Variants in PCDH11X observed in about 807,000 individuals in gnomAD.
PCDH11X encodes the protein protocadherin-11 X-linked.
A neutral mutation model predicts 53.3 loss-of-function variants in PCDH11X; 18 were observed. The ratio of observed to expected loss-of-function variants is 0.34; its 90% CI spans 0.23 to 0.50. The LOEUF is 0.50. Among genes scored for constraint, PCDH11X ranks in the 20% least tolerant of loss-of-function variants. The pLI is 0.98. For missense variants in PCDH11X, 570 were observed against 1,032.4 expected (o/e 0.55, Z 6.14); for synonymous variants, 279 against 393.3 (o/e 0.71, Z 3.44).
chrX:92,267,451 A>G (rs1378456995), intron 8 of PCDH11X, among the ~76,000 whole-genome samples: 1 of 112,550 alleles, frequency 8.9e-6, no homozygotes, highest in Non-Finnish European at 1.9e-5. Flanking sequence ...AAAGCAAGTA[A>G]AAGCCATTCT....
At chrX:92,363,913 G>A (rs759083396) in intron 8 of PCDH11X, among the ~76,000 whole-genome samples, 11 of 111,514 alleles carry the variant, frequency 9.9e-5, no homozygotes, top group African/African-American at 3.6e-4. Context: ...CCATTGATAT[G>A]ATGAGGTATG....
intron 8 of PCDH11X, among the ~76,000 whole-genome samples, chrX:92,316,221 A>G (rs2148487399): frequency 9.2e-6 from 1 of 108,892 alleles, no homozygotes; most frequent in Admixed American, 1.0e-4. Context: ...TATACATTAT[A>G]AAACAATATA....
At chrX:92,345,018 T>C (rs1280645792) in intron 8 of PCDH11X, among the ~76,000 whole-genome samples, 1 of 109,807 alleles carries the variant, frequency 9.1e-6, no homozygotes. Flanking sequence ...TTTTTAAAAA[T>C]ATTCTTTCTC....
At chrX:92,303,716 C>T (rs35212954) in intron 8 of PCDH11X, among the ~76,000 whole-genome samples, 2,319 of 111,652 alleles carry the variant, frequency 0.021, 74 homozygotes, top group African/African-American at 0.071. Context: ...AATTGAACAT[C>T]CCATTCTCAT....
chrX:91,977,903 C>T (rs1200846026), intron 6 of PCDH11X, among the ~76,000 whole-genome samples: 3 of 111,490 alleles, frequency 2.7e-5, no homozygotes, highest in Non-Finnish European at 5.6e-5. Context: ...CTTCCTTAGA[C>T]AGTTGTAATC....
At chrX:92,391,397 T>G (rs2071125867) in intron 9 of PCDH11X, among the ~76,000 whole-genome samples, 1 of 108,305 alleles carries the variant, frequency 9.2e-6, no homozygotes, top group African/African-American at 3.3e-5. Flanking sequence ...CTTTTGAGGA[T>G]TTTACATATC....
At chrX:92,205,850 C>T (rs1312750982) in intron 7 of PCDH11X, among the ~76,000 whole-genome samples, 2 of 111,124 alleles carry the variant, frequency 1.8e-5, no homozygotes, top group Non-Finnish European at 3.8e-5. Context: ...ATCCACCTGC[C>T]TCAGCTTCCC....
chrX:92,268,744 A>G, intron 8 of PCDH11X, among the ~76,000 whole-genome samples: 1 of 111,705 alleles, frequency 9.0e-6, no homozygotes. Flanking sequence ...GTGGCAAAAA[A>G]TATCAGATAA....
chrX:92,583,897 TA>T (rs931959744), intron 10 of PCDH11X, among the ~76,000 whole-genome samples: 2 of 98,852 alleles, frequency 2.0e-5, no homozygotes, highest in Admixed American at 2.3e-4. Flanking sequence ...TCTAGGTTAT[TA>T]AAAAACTTAT....
At chrX:92,322,490 C>T (rs2069238358) in intron 8 of PCDH11X, among the ~76,000 whole-genome samples, 2 of 111,073 alleles carry the variant, frequency 1.8e-5, no homozygotes, top group African/African-American at 6.5e-5. Flanking sequence ...TGGGCTTAAT[C>T]GTAGGGACTC....
chrX:92,283,302 A>C (rs1446220107), intron 8 of PCDH11X, among the ~76,000 whole-genome samples: 1 of 111,347 alleles, frequency 9.0e-6, no homozygotes, highest in Non-Finnish European at 1.9e-5. Context: ...GGTAAGAAAG[A>C]CTATGTTAAT....
intron 6 of PCDH11X, among the ~76,000 whole-genome samples, chrX:91,905,596 G>A (rs1941123607): frequency 1.8e-5 from 2 of 111,028 alleles, no homozygotes; most frequent in African/African-American, 6.5e-5. Context: ...AGTTTACAAA[G>A]TTTAGATTTA....
intron 5 of PCDH11X, among the ~76,000 whole-genome samples, chrX:91,839,785 T>A (rs1937453337): frequency 9.0e-6 from 1 of 111,183 alleles, no homozygotes; most frequent in Non-Finnish European, 1.9e-5. Context: ...AAAAAAATCA[T>A]CTATAAGAGT....
In PCDH11X at chrX:91,806,619, G is replaced by A. The variant is rs768593690; in HGVS notation, c.-378-2847G>A. The stretch of plus-strand genomic sequence containing the variant: ...ATTTTTCTATGCAAATTAAATTTGC[G>A]TATGCAAGTTACAATTTGAGTTTAA... On this transcript the variant is annotated intron_variant, in intron 1 of 10. Coordinates refer to ENST00000682573, the MANE Select transcript of PCDH11X (RefSeq NM_032968.5). Among the ~76,000 whole-genome samples, 5 of 112,614 alleles carry A rather than the reference G, an allele frequency of 4.4e-5. No homozygotes were observed. In the South Asian group the frequency reaches 1.4e-3, roughly 33 times the overall value.
intron 1 of PCDH11X, among the ~76,000 whole-genome samples, chrX:91,802,219 T>C (rs906047808): frequency 4.4e-5 from 5 of 113,231 alleles, no homozygotes; most frequent in African/African-American, 1.6e-4. Context: ...TTTCTTTATG[T>C]AGATACTAGA....
intron 8 of PCDH11X, among the ~76,000 whole-genome samples, chrX:92,308,112 T>A (rs1452658295): frequency 2.9e-5 from 3 of 104,434 alleles, no homozygotes; most frequent in Non-Finnish European, 5.9e-5. Context: ...GCAACCCCTA[T>A]CAATCCCAAT....
intron 7 of PCDH11X, among the ~76,000 whole-genome samples, chrX:92,218,845 A>C (rs2148350019): frequency 9.0e-6 from 1 of 111,592 alleles, no homozygotes; most frequent in East Asian, 2.8e-4. Context: ...AAGCTTATCC[A>C]CCATGATCAA....
At chrX:91,990,236 A>G (rs1207985503) in intron 6 of PCDH11X, among the ~76,000 whole-genome samples, 1 of 110,105 alleles carries the variant, frequency 9.1e-6, no homozygotes, top group Non-Finnish European at 1.9e-5. Context: ...TTGTATAATG[A>G]TCAAATTAGG....
chrX:92,486,450 TATTGGTTTCTC>T (rs1300990192), intron 10 of PCDH11X, among the ~76,000 whole-genome samples: 2 of 111,668 alleles, frequency 1.8e-5, no homozygotes, highest in African/African-American at 6.5e-5. Flanking sequence ...GCTCAATATA[TATTGGTTTCTC>T]ATTGCAATAA....
Sources: allele counts gnomAD v4.1 joint callset (sites outside exome capture counted in the v4.1 genomes callset), GRCh38; gene constraint gnomAD v4.1.1; transcripts MANE v1.5; gene names NCBI Gene and HGNC (gene_info 2026-07-23, HGNC 2026-07-21).